Variants in CELF4 observed in about 807,000 individuals in gnomAD.
The protein encoded by CELF4 is CUGBP Elav-like family member 4.
In CELF4, 18 loss-of-function variants were observed where a neutral mutation model predicts 59.9. The observed-to-expected ratio is 0.30, with a 90% CI of 0.21 to 0.45. CELF4 has a LOEUF of 0.45. Ranked by LOEUF, CELF4 falls within the 20% of genes least tolerant of loss-of-function variation. CELF4 has a pLI of 1.00. For synonymous variants in CELF4, 261 were observed against 267.1 expected (o/e 0.98, Z 0.22); for missense variants, 456 against 689.0 (o/e 0.66, Z 3.79).
At chr18:37,454,387 C>A (rs1019347997) in intron 2 of CELF4, among the ~76,000 whole-genome samples, 13 of 152,188 alleles carry the variant, frequency 8.5e-5, no homozygotes, top group African/African-American at 3.1e-4. Flanking sequence ...CCAAGTCAGA[C>A]CTTTAGGCTC....
intron 11 of CELF4, among the ~76,000 whole-genome samples, chr18:37,258,562 A>G (rs1488071204): frequency 6.6e-6 from 1 of 152,218 alleles, no homozygotes; most frequent in African/African-American, 2.4e-5. Context: ...AACAATGCCC[A>G]GCTCTGGTGG....
intron 2 of CELF4, among the ~76,000 whole-genome samples, chr18:37,410,794 A>G (rs1330491350): frequency 6.6e-6 from 1 of 152,206 alleles, no homozygotes; most frequent in Non-Finnish European, 1.5e-5. Flanking sequence ...TGAGGTGGAC[A>G]TGTGCCTGTA....
chr18:37,372,305 C>A (rs1423892972), intron 2 of CELF4, among the ~76,000 whole-genome samples: 3 of 152,152 alleles, frequency 2.0e-5, no homozygotes, highest in South Asian at 4.1e-4. Flanking sequence ...GCAGCCATAA[C>A]AAAGGCTGAG....
intron 2 of CELF4, among the ~76,000 whole-genome samples, chr18:37,470,876 GTGTGT>G (rs1569569547): frequency 1.5e-3 from 173 of 114,876 alleles, no homozygotes; most frequent in South Asian, 6.0e-3. Context: ...GTGTGTGTGT[GTGTGT>G]GTGTGTGACA....
intron 2 of CELF4, among the ~76,000 whole-genome samples, chr18:37,354,846 A>T (rs2098536555): frequency 6.6e-6 from 1 of 152,170 alleles, no homozygotes; most frequent in African/African-American, 2.4e-5. Flanking sequence ...TGCTGTTCAG[A>T]TCATTTTGGT....
intron 2 of CELF4, among the ~76,000 whole-genome samples, chr18:37,356,604 C>A (rs1242948843): frequency 6.6e-6 from 1 of 152,194 alleles, no homozygotes; most frequent in Non-Finnish European, 1.5e-5. Flanking sequence ...TCCCTGGGCA[C>A]TAGGAGGACC....
intron 1 of CELF4, among the ~76,000 whole-genome samples, chr18:37,549,473 C>A (rs903627129): frequency 6.6e-6 from 1 of 152,228 alleles, no homozygotes; most frequent in African/African-American, 2.4e-5. Context: ...GCAGGTACAC[C>A]TTTGCCCCTG....
At chr18:37,472,570 A>T (rs1255759747) in intron 2 of CELF4, among the ~76,000 whole-genome samples, 2 of 152,246 alleles carry the variant, frequency 1.3e-5, no homozygotes, top group Non-Finnish European at 2.9e-5. Flanking sequence ...CTATCCATAA[A>T]CTGCTCCTGG....
chr18:37,532,098 G>C (rs960454332), intron 1 of CELF4, among the ~76,000 whole-genome samples: 1 of 152,154 alleles, frequency 6.6e-6, no homozygotes, highest in South Asian at 2.1e-4. Context: ...TGGCCTACCT[G>C]GTCCTGCACT....
chr18:37,490,056 T>G (rs1055497087), intron 1 of CELF4, among the ~76,000 whole-genome samples: 1 of 152,014 alleles, frequency 6.6e-6, no homozygotes, highest in Non-Finnish European at 1.5e-5. Flanking sequence ...ATTTTTAAAC[T>G]GTGAATACTC....
intron 2 of CELF4, among the ~76,000 whole-genome samples, chr18:37,436,462 G>A (rs1445282992): frequency 6.6e-6 from 1 of 152,150 alleles, no homozygotes; most frequent in Non-Finnish European, 1.5e-5. Context: ...ACTGAGGCTG[G>A]GGTAAATCAA....
At chr18:37,382,949 A>G (rs963111175) in intron 2 of CELF4, among the ~76,000 whole-genome samples, 2 of 152,216 alleles carry the variant, frequency 1.3e-5, no homozygotes, top group African/African-American at 2.4e-5. Context: ...TCCAGTTCCC[A>G]TCGTTAGAGC....
At chr18:37,561,820 G>A (rs36015524) in intron 1 of CELF4, among the ~76,000 whole-genome samples, 17,724 of 152,176 alleles carry the variant, frequency 0.12, 1,283 homozygotes, top group Middle Eastern at 0.21. Context: ...GCTGCTACCC[G>A]AGGAATTCAT....
At chr18:37,547,641 ATTTGCTGACTTCTAAT>A (rs759214558) in intron 1 of CELF4, among the ~76,000 whole-genome samples, 3 of 152,090 alleles carry the variant, frequency 2.0e-5, no homozygotes, top group Non-Finnish European at 4.4e-5. Flanking sequence ...CCTTCTGTTT[ATTTGCTGACTTCTAAT>A]GAGGATTTGG....
At chr18:37,377,183 C>A (rs1367029211) in intron 2 of CELF4, among the ~76,000 whole-genome samples, 2 of 152,088 alleles carry the variant, frequency 1.3e-5, no homozygotes, top group Non-Finnish European at 2.9e-5. Flanking sequence ...CAAAGGCATC[C>A]TGAGATGCAG....
intron 1 of CELF4, among the ~76,000 whole-genome samples, chr18:37,553,284 C>T (rs971724957): frequency 6.6e-6 from 1 of 152,084 alleles, no homozygotes; most frequent in Non-Finnish European, 1.5e-5. Flanking sequence ...GCTTAAGTTG[C>T]TCTACTGGGG....
intron 3 of CELF4, among the ~76,000 whole-genome samples, chr18:37,278,339 C>G (rs2154374064): frequency 6.6e-6 from 1 of 152,330 alleles, no homozygotes; most frequent in Non-Finnish European, 1.5e-5. Flanking sequence ...TTGACCACAA[C>G]CAACTCAAAT....
chr18:37,390,045 G>T (rs2099141627), intron 2 of CELF4, among the ~76,000 whole-genome samples: 1 of 152,198 alleles, frequency 6.6e-6, no homozygotes, highest in Non-Finnish European at 1.5e-5. Context: ...ACCCAGGAGT[G>T]AAGGCACAGC....
chr18:37,500,508 C>T (rs1193039852), intron 1 of CELF4, among the ~76,000 whole-genome samples: 3 of 131,968 alleles, frequency 2.3e-5, no homozygotes, highest in Non-Finnish European at 4.8e-5. Flanking sequence ...TGCCTTCTAG[C>T]TCATTTTCTT....
Sources: gnomAD v4.1 joint callset for allele counts (sites outside exome capture counted in the v4.1 genomes callset) on GRCh38, gnomAD v4.1.1 for gene constraint, MANE v1.5 for transcripts, NCBI Gene and HGNC (gene_info 2026-07-23, HGNC 2026-07-21) for gene names.